The following B3GALT1 variants were observed in gnomAD, a reference collection of about 807,000 sequenced individuals.
The protein encoded by B3GALT1 is UDP-Gal:betaGlcNAc beta 1,3-galactosyltransferase, polypeptide 1.
B3GALT1 carries 10 observed loss-of-function variants against 23.2 expected under a neutral mutation model. The ratio of observed to expected loss-of-function variants is 0.43; its 90% CI spans 0.27 to 0.73. The LOEUF is 0.73. Ranked by LOEUF, B3GALT1 falls within the 30% of genes least tolerant of loss-of-function variation. B3GALT1 has a pLI of 0.21. For synonymous variants in B3GALT1, 156 were observed against 141.5 expected (o/e 1.10, Z -0.73); for missense variants, 299 against 405.4 (o/e 0.74, Z 2.25).
At chr2:167,854,341 G>A (rs1023214612) in intron 4 of B3GALT1, among the ~76,000 whole-genome samples, 3 of 152,200 alleles carry the variant, frequency 2.0e-5, no homozygotes, top group Non-Finnish European at 1.5e-5. Context: ...GGACTCTCTT[G>A]AAGGGCTTGA....
chr2:167,341,532 T>C (rs1477203671), intron 1 of B3GALT1, among the ~76,000 whole-genome samples: 2 of 152,026 alleles, frequency 1.3e-5, no homozygotes, highest in Non-Finnish European at 2.9e-5. Context: ...TATAGTGGCT[T>C]GCACCTGTAG....
At chr2:167,442,327 C>T (rs1266330842) in intron 1 of B3GALT1, among the ~76,000 whole-genome samples, 5 of 152,112 alleles carry the variant, frequency 3.3e-5, no homozygotes, top group Middle Eastern at 3.4e-3. Flanking sequence ...TGAATAATGC[C>T]GCAATAAACA....
intron 2 of B3GALT1, among the ~76,000 whole-genome samples, chr2:167,622,762 G>C (rs1685280753): frequency 6.6e-6 from 1 of 152,044 alleles, no homozygotes; most frequent in Admixed American, 6.6e-5. Context: ...TCAACATTAA[G>C]ATATGCAAAA....
intron 2 of B3GALT1, among the ~76,000 whole-genome samples, chr2:167,561,628 C>T (rs1485664370): frequency 2.6e-5 from 4 of 152,100 alleles, no homozygotes; most frequent in Non-Finnish European, 5.9e-5. Context: ...GGGGATATCA[C>T]CACCGATCCC....
chr2:167,654,001 C>T (rs1469020970), intron 3 of B3GALT1, among the ~76,000 whole-genome samples: 1 of 152,104 alleles, frequency 6.6e-6, no homozygotes, highest in African/African-American at 2.4e-5. Context: ...AGACAAGAAA[C>T]AGGAGATGCC....
Position 167,596,238 on chromosome 2 carries a change from G to C in B3GALT1, c.-409-50671G>C, listed in dbSNP as rs745869303. On this transcript the variant is annotated intron_variant, in intron 2 of 4. Coordinates refer to ENST00000392690, the MANE Select transcript of B3GALT1 (RefSeq NM_020981.4). ...CAGAGAACGATAGGTCATTTGCTGA[G>C]TGTGCCAGTCATCTAATAACAGGAA... Among the ~76,000 whole-genome samples the C allele has an allele frequency of 2.0e-5, 3 of 152,198 alleles. No homozygotes were observed. The South Asian group carries it at 6.2e-4, about 32-fold the overall frequency.
At chr2:167,403,735 T>G (rs1698231075) in intron 1 of B3GALT1, among the ~76,000 whole-genome samples, 2 of 151,950 alleles carry the variant, frequency 1.3e-5, no homozygotes, top group Non-Finnish European at 2.9e-5. Context: ...AGGAGACAAC[T>G]CTATACAACT....
intron 4 of B3GALT1, among the ~76,000 whole-genome samples, chr2:167,827,520 C>T (rs977658816): frequency 6.6e-6 from 1 of 152,174 alleles, no homozygotes; most frequent in Non-Finnish European, 1.5e-5. Flanking sequence ...AAGCAGCTCT[C>T]GCTATGGGCA....
At chr2:167,545,358 T>TC in intron 2 of B3GALT1, among the ~76,000 whole-genome samples, 1 of 152,086 alleles carries the variant, frequency 6.6e-6, no homozygotes. Flanking sequence ...TATGCTTATA[T>TC]CCCCTTATGA....
intron 2 of B3GALT1, among the ~76,000 whole-genome samples, chr2:167,563,989 C>A (rs1302728949): frequency 6.9e-6 from 1 of 143,960 alleles, no homozygotes; most frequent in African/African-American, 2.6e-5. Context: ...GGGCAGCCGG[C>A]CGGACGGGGG....
chr2:167,840,050 A>G (rs912789896), intron 4 of B3GALT1, among the ~76,000 whole-genome samples: 2 of 152,252 alleles, frequency 1.3e-5, no homozygotes, highest in African/African-American at 4.8e-5. Context: ...AAAGACTTCA[A>G]TGTTAGACCT....
chr2:167,613,194 C>T (rs370488735), intron 2 of B3GALT1, among the ~76,000 whole-genome samples: 14 of 151,742 alleles, frequency 9.2e-5, no homozygotes, highest in East Asian at 3.9e-4. Flanking sequence ...TTTTATCCTA[C>T]GTAAATAATT....
chr2:167,584,108 C>CT (rs1333877786), intron 2 of B3GALT1, among the ~76,000 whole-genome samples: 4 of 152,062 alleles, frequency 2.6e-5, no homozygotes, highest in African/African-American at 7.2e-5. Flanking sequence ...GTGGACCTGG[C>CT]TTTTTTTCCC....
At chr2:167,807,877 T>G (rs1049913030) in intron 3 of B3GALT1, among the ~76,000 whole-genome samples, 1 of 151,798 alleles carries the variant, frequency 6.6e-6, no homozygotes, top group African/African-American at 2.4e-5. Context: ...CCTTGTTAAC[T>G]TTCTGTCTAA....
intron 2 of B3GALT1, among the ~76,000 whole-genome samples, chr2:167,605,073 T>G (rs1574163400): frequency 6.6e-6 from 1 of 152,288 alleles, no homozygotes; most frequent in South Asian, 2.1e-4. Context: ...TTTTCCTTCT[T>G]TTTGGCAAAG....
intron 1 of B3GALT1, among the ~76,000 whole-genome samples, chr2:167,370,712 G>A (rs1697669418): frequency 6.6e-6 from 1 of 152,132 alleles, no homozygotes; most frequent in Non-Finnish European, 1.5e-5. Context: ...GGATCACGAG[G>A]TCAGGTGTTC....
At chr2:167,526,052 C>T (rs1234282166) in intron 2 of B3GALT1, among the ~76,000 whole-genome samples, 2 of 152,090 alleles carry the variant, frequency 1.3e-5, no homozygotes, top group Non-Finnish European at 2.9e-5. Flanking sequence ...CACCTGCAAT[C>T]AACCATTTCT....
In B3GALT1 at chr2:167,551,020, T is replaced by G. The variant is rs1268920921; in HGVS notation, c.-410+60743T>G. ...ACGGCCCACAGACCTCTACTGGATATTCTGCACATGAGAAAAGATGGTGGT... is the reference window on the plus strand; with the variant it reads ...ACGGCCCACAGACCTCTACTGGATAGTCTGCACATGAGAAAAGATGGTGGT... On this transcript the variant is annotated intron_variant, in intron 2 of 4. Transcript: ENST00000392690. Among the ~76,000 whole-genome samples, 3 of 148,852 alleles carry G rather than the reference T, an allele frequency of 2.0e-5. No individual in the cohort carries two copies. The East Asian group carries it at 5.8e-4, about 29-fold the overall frequency.
chr2:167,788,180 A>T (rs1334557584), intron 3 of B3GALT1, among the ~76,000 whole-genome samples: 1 of 146,240 alleles, frequency 6.8e-6, no homozygotes, highest in Non-Finnish European at 1.5e-5. Context: ...ATTAGATGAG[A>T]GATTGGAGTT....
Sources: gnomAD v4.1 joint callset for allele counts (sites outside exome capture counted in the v4.1 genomes callset) on GRCh38, gnomAD v4.1.1 for gene constraint, MANE v1.5 for transcripts, NCBI Gene and HGNC (gene_info 2026-07-23, HGNC 2026-07-21) for gene names.